RALGPS2: variants seen among roughly 807,000 people sequenced by gnomAD.
RALGPS2 encodes Ral GEF with PH domain and SH3 binding motif 2.
In RALGPS2, 43 loss-of-function variants were observed where a neutral mutation model predicts 86.8. That is an observed-to-expected ratio of 0.50 (90% CI 0.39 to 0.64). The LOEUF is 0.64. Ranked by LOEUF, RALGPS2 falls within the 30% of genes least tolerant of loss-of-function variation. RALGPS2 has a pLI of 0.00. For synonymous variants in RALGPS2, 243 were observed against 231.3 expected, an observed-to-expected ratio of 1.05 and a Z score of -0.46; for missense variants, 536 against 694.6, an observed-to-expected ratio of 0.77 and a Z score of 2.57.
At chr1:178,788,037 C>G (rs1467493857) in intron 4 of RALGPS2, among the ~76,000 whole-genome samples, 5 of 152,204 alleles carry the variant, frequency 3.3e-5, no homozygotes, top group Non-Finnish European at 7.4e-5. Context: ...TTTCTACCTT[C>G]TGCAACCCCA....
At chr1:178,821,517 T>TACCAGTTG in intron 6 of RALGPS2, 95 bp from the exon 7 acceptor site, 1 of 878,218 alleles carries the variant, frequency 1.1e-6, no homozygotes, top group African/African-American at 1.7e-5. Flanking sequence ...GCTGGAACAC[T>TACCAGTTG]ACCAGTTGCC....
intron 8 of RALGPS2, chr1:178,850,991 T>C: frequency 1.3e-6 from 1 of 775,514 alleles, no homozygotes; most frequent in Non-Finnish European, 1.9e-6. Flanking sequence ...GGTTCCCTTT[T>C]ATAGTTACGG....
intron 1 of RALGPS2, among the ~76,000 whole-genome samples, chr1:178,775,603 C>A (rs1330026577): frequency 6.6e-6 from 1 of 152,098 alleles, no homozygotes; most frequent in East Asian, 1.9e-4. Context: ...AGTAAGTACT[C>A]TGACTTCCAG....
At chr1:178,850,837 G>C (rs1657123626) in intron 8 of RALGPS2, 1 of 229,752 alleles carries the variant, frequency 4.4e-6, no homozygotes, top group South Asian at 1.6e-4. Context: ...TTAAAATATA[G>C]CTAAGATTTG....
intron 1 of RALGPS2, among the ~76,000 whole-genome samples, chr1:178,728,860 A>C (rs1006029969): frequency 6.6e-6 from 1 of 152,210 alleles, no homozygotes; most frequent in Non-Finnish European, 1.5e-5. Flanking sequence ...CTGGAATTTA[A>C]AATGTGTTAC....
intron 19 of RALGPS2, among the ~76,000 whole-genome samples, chr1:178,909,552 T>G (rs966702776): frequency 1.3e-5 from 2 of 152,106 alleles, no homozygotes; most frequent in African/African-American, 2.4e-5. Flanking sequence ...GTATTGATTC[T>G]TCCAATCCAT....
intron 4 of RALGPS2, among the ~76,000 whole-genome samples, chr1:178,796,933 A>G (rs554805592): frequency 2.0e-5 from 3 of 152,166 alleles, no homozygotes; most frequent in Admixed American, 1.3e-4. Context: ...ATGATTTACT[A>G]TTTGAAGATT....
At chr1:178,808,735 G>A (rs1014483726) in intron 5 of RALGPS2, among the ~76,000 whole-genome samples, 2 of 152,126 alleles carry the variant, frequency 1.3e-5, no homozygotes, top group Admixed American at 1.3e-4. Context: ...ACGTAGGGTT[G>A]TCGCAGACCT....
chr1:178,827,315 C>A (rs1048713381), intron 7 of RALGPS2, among the ~76,000 whole-genome samples: 1 of 151,280 alleles, frequency 6.6e-6, no homozygotes, highest in Admixed American at 6.6e-5. Context: ...TTCTAAAATT[C>A]ACATGGAATC....
intron 8 of RALGPS2, among the ~76,000 whole-genome samples, chr1:178,867,150 T>G (rs1428765946): frequency 6.6e-6 from 1 of 152,160 alleles, no homozygotes; most frequent in East Asian, 1.9e-4. Context: ...TGCCTGTTGT[T>G]AATAACAACA....
chr1:178,882,527 A>C (rs573937349), intron 10 of RALGPS2, among the ~76,000 whole-genome samples: 2 of 152,210 alleles, frequency 1.3e-5, no homozygotes, highest in Non-Finnish European at 2.9e-5. Context: ...ATAATTAATA[A>C]CCTACAGTAG....
rs192811755 is a variant in RALGPS2, at chr1:178,858,577, T to A, written c.608-18921T>A. ...CAAGAGTCTTCTCAAAGCAGGCAAC[T>A]GGAATTCTGTACATTGAATTTGAAG... On this transcript the variant is annotated intron_variant, in intron 8 of 19. Coordinates refer to ENST00000367635, the MANE Select transcript of RALGPS2 (RefSeq NM_152663.5). 2.8e-3 allele frequency among the ~76,000 whole-genome samples: 424 copies of A among 152,302 alleles called. 5 individuals carry two copies. Among genetic ancestry groups the A allele is most frequent in the East Asian group, 7.7e-4 (4 of 5,194 alleles).
At chr1:178,916,180 T>G in intron 19 of RALGPS2, 150 bp from the exon 20 acceptor site, 1 of 617,152 alleles carries the variant, frequency 1.6e-6, no homozygotes, top group Non-Finnish European at 2.8e-6. Context: ...ATGTTAATTA[T>G]TCATAAACTA....
intron 1 of RALGPS2, among the ~76,000 whole-genome samples, chr1:178,763,064 T>C (rs1057204682): frequency 1.3e-5 from 2 of 152,236 alleles, no homozygotes; most frequent in African/African-American, 4.8e-5. Context: ...CTTCTGCATA[T>C]GGTTATCCAC....
chr1:178,725,261 G>GGCAGCGGCA lies in RALGPS2; in HGVS notation c.-234_-233insAGCAGCGGC. On this transcript the variant is annotated 5_prime_UTR_variant, in exon 1 of 20. Transcript: ENST00000367635. Reference sequence around the variant, plus strand: ...TCCAGCTCACTCTCCTCCCCCGAGCGGCAGCGGCGGCGGCGGCGGCGGCTG... The same window carrying GGCAGCGGCA: ...TCCAGCTCACTCTCCTCCCCCGAGCGGCAGCGGCAGCAGCGGCGGCGGCGGCGGCGGCTG... 1 of 35,288 alleles carries GGCAGCGGCA rather than the reference G, an allele frequency of 2.8e-5. No homozygotes were observed. The highest frequency in any genetic ancestry group is 4.1e-4 in the South Asian group (1 of 2,448). 2.2% of individuals were successfully genotyped at this position (35,288 alleles called of 1,614,324 possible). A position where few individuals can be genotyped will look rare whatever the true frequency, so the allele number is the denominator to read the frequency against.
At chr1:178,846,654 A>C (rs975816678) in intron 8 of RALGPS2, among the ~76,000 whole-genome samples, 2 of 152,190 alleles carry the variant, frequency 1.3e-5, no homozygotes, top group Non-Finnish European at 2.9e-5. Context: ...CCCCATGTTC[A>C]TAGTGTTTTC....
In RALGPS2 at chr1:178,886,443, A is replaced by G. The variant is rs559564452; in HGVS notation, c.1192+323A>G. 5.9e-5 allele frequency among the ~76,000 whole-genome samples: 9 copies of G among 152,318 alleles called. No homozygotes were observed. The South Asian group carries it at 1.2e-3, about 21-fold the overall frequency. Reference sequence around the variant, plus strand: ...TTCCGGTTATTTGGGTTAAACAAGTATAATAGTTAGATGATGATGCTATTA... The same window carrying G: ...TTCCGGTTATTTGGGTTAAACAAGTGTAATAGTTAGATGATGATGCTATTA... On this transcript the variant is annotated intron_variant, in intron 13 of 19. Coordinates refer to ENST00000367635, the MANE Select transcript of RALGPS2 (RefSeq NM_152663.5).
chr1:178,891,169 T>C (rs998388506), intron 14 of RALGPS2, among the ~76,000 whole-genome samples: 3 of 152,108 alleles, frequency 2.0e-5, no homozygotes, highest in African/African-American at 7.2e-5. Context: ...TTTTGCTTTA[T>C]AACAGGTGTT....
intron 9 of RALGPS2, among the ~76,000 whole-genome samples, chr1:178,878,164 G>T (rs897902326): frequency 6.6e-6 from 1 of 152,008 alleles, no homozygotes; most frequent in Non-Finnish European, 1.5e-5. Context: ...TGTCCAACAT[G>T]TATTTTATGG....
Sources: allele counts gnomAD v4.1 joint callset (sites outside exome capture counted in the v4.1 genomes callset), GRCh38; gene constraint gnomAD v4.1.1; transcripts MANE v1.5; gene names NCBI Gene and HGNC (gene_info 2026-07-23, HGNC 2026-07-21).